The following PLA2G4D variants were observed in gnomAD, a reference collection of about 807,000 sequenced individuals.
PLA2G4D encodes the protein cytosolic phospholipase A2 delta.
PLA2G4D carries 80 observed loss-of-function variants against 94.4 expected under a neutral mutation model. The ratio of observed to expected loss-of-function variants is 0.85; its 90% CI spans 0.71 to 1.02. The LOEUF (loss-of-function observed/expected upper bound fraction) is 1.02, where lower values mean the gene tolerates loss of function less well. Ranked by LOEUF, PLA2G4D falls within the 50% of genes least tolerant of loss-of-function variation. PLA2G4D has a pLI of 0.00. For missense variants in PLA2G4D, 1,050 were observed against 1,034.7 expected (o/e 1.01, Z -0.20); for synonymous variants, 438 against 440.9 (o/e 0.99, Z 0.08).
At chr15:42,093,562 C>T (rs1182479870) in intron 1 of PLA2G4D, among the ~76,000 whole-genome samples, 1 of 152,152 alleles carries the variant, frequency 6.6e-6, no homozygotes, top group East Asian at 1.9e-4. Flanking sequence ...GGTGGATCCA[C>T]CTGACCTCAG....
chr15:42,085,392 G>A (rs1890121692), intron 5 of PLA2G4D, 99 bp downstream of exon 5: 2 of 1,374,500 alleles, frequency 1.5e-6, no homozygotes. Flanking sequence ...GGAGATGAGG[G>A]ACAGTCAGGC....
At chr15:42,087,968 G>A (rs1880120356) in intron 1 of PLA2G4D, among the ~76,000 whole-genome samples, 1 of 152,254 alleles carries the variant, frequency 6.6e-6, no homozygotes, top group Non-Finnish European at 1.5e-5. Context: ...CGGGAACAGA[G>A]CAACATGGGT....
In PLA2G4D at chr15:42,071,818, C is replaced by T. The variant is rs574116485; in HGVS notation, c.1529G>A (p.Arg510Gln). Residue 510 changes from arginine (R) to glutamine (Q), a missense_variant, in exon 15 of 20, where the codon CGG (arginine) becomes CAG (glutamine). Transcript: ENST00000290472. ...GGGCTCCGGGATCCTCCTCATCAGC[C>T]GTCCCATGAAGAACTCGGAGCCGAA... ...ELFGSEFFMG[R>Q]LMRRIPEPRI... 1.2e-5 allele frequency: 20 copies of T among 1,614,188 alleles called. No homozygotes were observed. Among genetic ancestry groups the T allele is most frequent in the East Asian group, 8.9e-5 (4 of 44,884 alleles).
In PLA2G4D at chr15:42,085,122, T is replaced by C. The variant is rs764918142; in HGVS notation, c.445A>G (p.Asn149Asp). Reference protein sequence around the residue: ...LMEETSDRPENLITNKVIVAR... With the variant: ...LMEETSDRPEDLITNKVIVAR... ...ACAATGACTTTGTTGGTGATGAGGT[T>C]TTCTGGGCGATCTGACCTGGAAAAA... The change falls in exon 6 of 20, where the codon AAC (asparagine) becomes GAC (aspartate). Residue 149 changes from asparagine (N) to aspartate (D), a missense_variant. By Grantham distance (23) the Asn-to-Asp change is conservative (BLOSUM62 1). Coordinates refer to ENST00000290472, the MANE Select transcript of PLA2G4D (RefSeq NM_178034.4). 13 of 1,614,002 alleles carry C rather than the reference T, an allele frequency of 8.1e-6. No individual in the cohort carries two copies. In the African/African-American group the frequency reaches 1.7e-4, roughly 22 times the overall value.
At chr15:42,083,495 C>T (rs1890081917) in intron 7 of PLA2G4D, among the ~76,000 whole-genome samples, 161 bp from the exon 8 acceptor site, 1 of 152,168 alleles carries the variant, frequency 6.6e-6, no homozygotes, top group South Asian at 2.1e-4. Flanking sequence ...AGGGGCCCCA[C>T]AACCCCCCAT....
At chr15:42,090,990 G>C (rs912273583) in intron 1 of PLA2G4D, among the ~76,000 whole-genome samples, 2 of 152,092 alleles carry the variant, frequency 1.3e-5, no homozygotes, top group Non-Finnish European at 2.9e-5. Flanking sequence ...TCCAGTAAAA[G>C]CTTCCCTTTC....
rs1024187677 is a variant in PLA2G4D, at chr15:42,084,441, C to T, written c.471+655G>A. Among the ~76,000 whole-genome samples, 6 of 152,196 alleles carry T rather than the reference C, an allele frequency of 3.9e-5. No homozygotes were observed. The highest frequency in any genetic ancestry group is 6.5e-5 in the Admixed American group (1 of 15,288). ...AAGTAATACCCGTCCATCAAACAGC[C>T]CCTAGGAGCTTAAATGCTGGGCTCT... On this transcript the variant is annotated intron_variant, in intron 6 of 19. Transcript: ENST00000290472. This position sits in a 1 kb window ranked among gnomAD's most constrained non-coding sequence, Gnocchi z 4.8.
intron 1 of PLA2G4D, among the ~76,000 whole-genome samples, chr15:42,089,269 C>A (rs1890210053): frequency 6.6e-6 from 1 of 152,162 alleles, no homozygotes; most frequent in Admixed American, 6.5e-5. Context: ...AGGACTCGTA[C>A]CCGCTCTGCA....
intron 1 of PLA2G4D, among the ~76,000 whole-genome samples, chr15:42,093,403 G>C (rs924732170): frequency 6.6e-6 from 1 of 152,226 alleles, no homozygotes; most frequent in South Asian, 2.1e-4. Flanking sequence ...AGTTTAAAGG[G>C]GGAAATATTC....
chr15:42,067,769 A>G lies in PLA2G4D; in HGVS notation c.*946T>C, dbSNP rs1889714557. The G allele has an allele frequency of 6.6e-6, 1 of 152,222 alleles. No homozygotes were observed. Among genetic ancestry groups the G allele is most frequent in the Non-Finnish European group, 1.5e-5 (1 of 68,040 alleles). The allele number at this position is 152,222 out of a possible 1,614,324, so 9.4% of individuals were successfully genotyped here. ...TGACAAAACCTAACACCGTTTCATCATAAAACACTCAATAAACTAGAAATA... is the reference window on the plus strand; with the variant it reads ...TGACAAAACCTAACACCGTTTCATCGTAAAACACTCAATAAACTAGAAATA... On this transcript the variant is annotated 3_prime_UTR_variant, in exon 20 of 20. Transcript: ENST00000290472.
chr15:42,068,648 G>A lies in PLA2G4D; in HGVS notation c.*67C>T. 6.8e-7 allele frequency: 1 copy of A among 1,462,364 alleles called. No individual in the cohort carries two copies. The highest frequency in any genetic ancestry group is 1.3e-5 in the South Asian group (1 of 77,520). 90.6% of individuals were successfully genotyped at this position (1,462,364 alleles called of 1,614,324 possible). Reference sequence around the variant, plus strand: ...AGAACTCCAACCAGGAAGGCCTGTGGCTGAGCCCAGCTACAGATCAGGTTA... The same window carrying A: ...AGAACTCCAACCAGGAAGGCCTGTGACTGAGCCCAGCTACAGATCAGGTTA... On this transcript the variant is annotated 3_prime_UTR_variant, in exon 20 of 20. Coordinates refer to ENST00000290472, the MANE Select transcript of PLA2G4D (RefSeq NM_178034.4).
At chr15:42,082,495 T>A in intron 8 of PLA2G4D, 106 bp from the exon 9 acceptor site, 1 of 619,754 alleles carries the variant, frequency 1.6e-6, no homozygotes, top group Non-Finnish European at 2.8e-6. Context: ...TAATACAGAA[T>A]ATTATAATAT....
At chr15:42,075,275 T>C (rs1889898205) in intron 13 of PLA2G4D, among the ~76,000 whole-genome samples, 1 of 152,262 alleles carries the variant, frequency 6.6e-6, no homozygotes, top group African/African-American at 2.4e-5. Context: ...GAGTATCCAA[T>C]GGTAATTAAA....
In PLA2G4D at chr15:42,082,516, CATAATT is replaced by C. The variant is rs1276012087; in HGVS notation, c.673-133_673-128del. ...AGAATATTATAATATTGATAAGTAT[CATAATT>C]ATAATTATAAAATTATAAGAGCTAA... is the stretch of plus-strand genomic sequence containing the variant. On this transcript the variant is annotated intron_variant, in intron 8 of 19. Coordinates refer to ENST00000290472, the MANE Select transcript of PLA2G4D (RefSeq NM_178034.4). The C allele has an allele frequency of 2.4e-4, 123 of 513,044 alleles. 2 individuals are homozygous for C. Among genetic ancestry groups the C allele is most frequent in the South Asian group, 2.3e-3 (63 of 27,810 alleles). The allele number at this position is 513,044 out of a possible 1,614,324, so 31.8% of individuals were successfully genotyped here.
At position 42,071,804 on chromosome 15, in the gene PLA2G4D, T is replaced by G. The variant is rs777776875; in HGVS notation, c.1543A>C (p.Ile515Leu). The G allele has an allele frequency of 1.1e-5, 17 of 1,613,888 alleles. No homozygotes were observed. The highest frequency in any genetic ancestry group is 1.7e-6 in the Non-Finnish European group (2 of 1,179,998). Residue 515 changes from isoleucine to leucine, a missense_variant, in exon 15 of 20, where the codon ATC becomes CTC. By Grantham distance (5) the Ile-to-Leu change is conservative. Transcript: ENST00000290472. Reference protein sequence around the residue: ...EFFMGRLMRRIPEPRICFLEA... With the variant: ...EFFMGRLMRRLPEPRICFLEA... ...AGAAAGCAGATCCGGGGCTCCGGGA[T>G]CCTCCTCATCAGCCGTCCCATGAAG...
intron 19 of PLA2G4D, among the ~76,000 whole-genome samples, chr15:42,069,585 G>A (rs559423792): frequency 1.3e-5 from 2 of 152,168 alleles, no homozygotes; most frequent in East Asian, 3.9e-4. Context: ...ATGGTGGAGA[G>A]GCCAAGTGAG....
At chr15:42,087,463 A>T (rs1238026254) in intron 2 of PLA2G4D, 27 bp from the exon 3 acceptor site, 1 of 1,613,740 alleles carries the variant, frequency 6.2e-7, no homozygotes, top group Non-Finnish European at 8.5e-7. Context: ...AGTCTTCGTG[A>T]GGGAGTACTC....
chr15:42,082,353 C>G lies in PLA2G4D; in HGVS notation c.709G>C (p.Ala237Pro). ...CTCAGGGGCACAGTGAGGTACCCAG[C>G]TGAGTTGTCCCCATTCCAGCCATTG... ...RSNGWNGDNS[A>P]GYLTVPLRPL... Residue 237 changes from alanine (A) to proline (P), a missense_variant, in exon 9 of 20, where the codon GCT (alanine) becomes CCT (proline). Ala to Pro is a conservative substitution (Grantham distance 27). Coordinates refer to ENST00000290472, the MANE Select transcript of PLA2G4D (RefSeq NM_178034.4). The G allele has an allele frequency of 1.2e-6, 2 of 1,614,160 alleles. No individual in the cohort carries two copies. The highest frequency in any genetic ancestry group is 1.7e-6 in the Non-Finnish European group (2 of 1,180,012).
Position 42,086,326 on chromosome 15 carries a change from T to C in PLA2G4D, c.274A>G (p.Ile92Val). 6.2e-7 allele frequency: 1 copy of C among 1,613,734 alleles called. No homozygotes were observed. Among genetic ancestry groups the C allele is most frequent in the Middle Eastern group, 1.7e-4 (1 of 6,020 alleles). The change falls in exon 4 of 20, where the codon ATC becomes GTC. Residue 92 changes from isoleucine (I) to valine (V), a missense_variant. Ile to Val is a conservative substitution (Grantham distance 29). Coordinates refer to ENST00000290472, the MANE Select transcript of PLA2G4D (RefSeq NM_178034.4). The part of the protein sequence containing the change: ...SQVKNVLELS[I>V]YDEDSVTEDD... ...TCCGTGACTGAGTCCTCATCATAGA[T>C]GCTAAGCTCCAGAACATTCTAGGAA...
Sources: gnomAD v4.1 joint callset for allele counts (sites outside exome capture counted in the v4.1 genomes callset) on GRCh38, gnomAD v4.1.1 for gene constraint, Gnocchi (gnomAD v3.1) non-coding constraint, MANE v1.5 for transcripts, NCBI Gene and HGNC (gene_info 2026-07-23, HGNC 2026-07-21) for gene names.